Variants in UBN2 observed in about 807,000 individuals in gnomAD.
The protein encoded by UBN2 is ubinuclein-2.
UBN2 carries 35 observed loss-of-function variants against 120.2 expected under a neutral mutation model. The observed-to-expected ratio is 0.29, with a 90% CI of 0.22 to 0.39. The LOEUF is 0.39. Ranked by LOEUF, UBN2 falls within the 10% of genes least tolerant of loss-of-function variation. The probability of loss-of-function intolerance (pLI) is 1.00; values close to 1 mark genes in which losing one functional copy is unlikely to be tolerated. For synonymous variants in UBN2, 661 were observed against 648.7 expected, an observed-to-expected ratio of 1.02 and a Z score of -0.29; for missense variants, 1,693 against 1,663.2, an observed-to-expected ratio of 1.02 and a Z score of -0.31.
intron 17 of UBN2, among the ~76,000 whole-genome samples, chr7:139,294,404 C>G (rs1053184190): frequency 6.6e-6 from 1 of 152,220 alleles, no homozygotes; most frequent in Admixed American, 6.5e-5. Context: ...GAAACTGAAT[C>G]AGAGAGCTAA....
At chr7:139,329,241 C>T in the UBN2 span, among the ~76,000 whole-genome samples, 1 of 148,238 alleles carries the variant, frequency 6.7e-6, no homozygotes, top group Non-Finnish European at 1.5e-5. Flanking sequence ...CTTACAGGGG[C>T]CTTGCCTTAG....
chr7:139,239,832 A>G (rs1347045688), intron 2 of UBN2, among the ~76,000 whole-genome samples: 1 of 152,240 alleles, frequency 6.6e-6, no homozygotes, highest in Non-Finnish European at 1.5e-5. Context: ...TTGGGATTAC[A>G]GGCGTGAGCC....
intron 15 of UBN2, among the ~76,000 whole-genome samples, chr7:139,290,191 C>T (rs1046586369): frequency 6.6e-6 from 1 of 152,158 alleles, no homozygotes; most frequent in Non-Finnish European, 1.5e-5. Flanking sequence ...ACCTTGGCCT[C>T]CCAAAGTGCT....
intron 2 of UBN2, among the ~76,000 whole-genome samples, chr7:139,246,013 AG>A (rs1378026723): frequency 6.6e-6 from 1 of 152,230 alleles, no homozygotes; most frequent in Non-Finnish European, 1.5e-5. Flanking sequence ...CATTTTGAGC[AG>A]GGGAAATAAT....
chr7:139,313,913 A>G, the UBN2 span, among the ~76,000 whole-genome samples: 5 of 151,350 alleles, frequency 3.3e-5, no homozygotes, highest in African/African-American at 4.9e-5. Context: ...CAGTGGCGCA[A>G]TCTCAGCTCA....
chr7:139,281,625 A>G (rs895860575), intron 13 of UBN2, among the ~76,000 whole-genome samples: 1 of 152,228 alleles, frequency 6.6e-6, no homozygotes, highest in Non-Finnish European at 1.5e-5. Flanking sequence ...TTTCTCTGCC[A>G]GTATAAATCT....
rs367648509 is a variant in UBN2 at position 139,261,424 on chromosome 7, T to C, written c.1078T>C (p.Cys360Arg). ...LSTPSLNKPPCAAAALGNDVP... is the reference protein window; with the variant it reads ...LSTPSLNKPPRAAAALGNDVP... ...AACCCCTTCTCTGAATAAACCCCCA[T>C]GTGCTGCTGCAGCACTGGGGAATGA... is the stretch of plus-strand genomic sequence containing the variant. Residue 360 changes from cysteine to arginine, a missense_variant, in exon 6 of 18, where the codon TGT becomes CGT. Transcript: ENST00000473989. The C allele has an allele frequency of 4.1e-5, 66 of 1,614,192 alleles. No individual in the cohort carries two copies. The African/African-American group carries it at 8.0e-4, about 20-fold the overall frequency.
the UBN2 span, among the ~76,000 whole-genome samples, chr7:139,326,136 G>A: frequency 2.6e-5 from 4 of 152,124 alleles, no homozygotes; most frequent in Admixed American, 1.3e-4. Context: ...TGTACCTGTA[G>A]TCCCAGTTAC....
intron 1 of UBN2, among the ~76,000 whole-genome samples, 161 bp downstream of exon 1, chr7:139,232,113 C>A (rs1796038313): frequency 6.6e-6 from 1 of 152,154 alleles, no homozygotes; most frequent in South Asian, 2.1e-4. Flanking sequence ...GGGCGGTGAG[C>A]GCTGCTTTCT....
chr7:139,298,158 G>T lies in UBN2; in HGVS notation c.*322G>T. The T allele has an allele frequency of 3.7e-6, 1 of 267,276 alleles. No individual in the cohort carries two copies. The highest frequency in any genetic ancestry group is 7.9e-5 in the South Asian group (1 of 12,602). 16.6% of individuals were successfully genotyped at this position (267,276 alleles called of 1,614,324 possible). On this transcript the variant is annotated 3_prime_UTR_variant, in exon 18 of 18. Transcript: ENST00000473989. ...TTGATTTTTCCCGGGGGAGGAAGAA[G>T]GAAGTGAAGAGAATTTGGGTAAACT... is the stretch of plus-strand genomic sequence containing the variant.
Position 139,231,320 on chromosome 7 carries a change from G to C in UBN2, c.-165G>C, listed in dbSNP as rs924987907. ...GTGAAGCCCATCAGAACGTAGTAGCGGGGAAGGGGACACGGTCCGCACTCA... is the reference window on the plus strand; with the variant it reads ...GTGAAGCCCATCAGAACGTAGTAGCCGGGAAGGGGACACGGTCCGCACTCA... On this transcript the variant is annotated 5_prime_UTR_variant, in exon 1 of 18. Coordinates refer to ENST00000473989, the MANE Select transcript of UBN2 (RefSeq NM_173569.4). Among the ~76,000 whole-genome samples the C allele has an allele frequency of 1.3e-5, 2 of 152,224 alleles. No homozygotes were observed. Among genetic ancestry groups the C allele is most frequent in the Non-Finnish European group, 2.9e-5 (2 of 68,042 alleles).
chr7:139,256,998 T>C (rs1476563781), intron 3 of UBN2, among the ~76,000 whole-genome samples: 2 of 152,232 alleles, frequency 1.3e-5, no homozygotes, highest in African/African-American at 2.4e-5. Context: ...TCCTTGCCCA[T>C]GGCAATGAAG....
intron 15 of UBN2, among the ~76,000 whole-genome samples, chr7:139,285,347 A>G (rs1344067309): frequency 6.6e-6 from 1 of 152,212 alleles, no homozygotes; most frequent in African/African-American, 2.4e-5. Flanking sequence ...TCTCAAAAAA[A>G]AAGGGTAGCA....
At chr7:139,238,774 C>T (rs1212473943) in intron 2 of UBN2, among the ~76,000 whole-genome samples, 1 of 151,876 alleles carries the variant, frequency 6.6e-6, no homozygotes, top group Non-Finnish European at 1.5e-5. Flanking sequence ...TTTCCGAGAC[C>T]CTATTGTTCT....
Position 139,284,182 on chromosome 7 carries a change from A to G in UBN2, c.3277A>G (p.Ser1093Gly), listed in dbSNP as rs1404071686. 1.9e-6 allele frequency: 3 copies of G among 1,614,084 alleles called. No individual in the cohort carries two copies. The highest frequency in any genetic ancestry group is 2.5e-6 in the Non-Finnish European group (3 of 1,180,042). ...GCCTACTGTATCCCCAAGTAGTTCC[A>G]GTCCAAATGCACTAGTTGCCCAGGG... ...PKPTVSPSSS[S>G]PNALVAQGSH... The change falls in exon 15 of 18, where the codon AGT becomes GGT. Residue 1093 changes from serine (S) to glycine (G), a missense_variant. Coordinates refer to ENST00000473989, the MANE Select transcript of UBN2 (RefSeq NM_173569.4).
Position 139,261,526 on chromosome 7 carries a change from C to A in UBN2, c.1180C>A (p.Gln394Lys). The change falls in exon 6 of 18, where the codon CAG (glutamine) becomes AAG (lysine). Residue 394 changes from glutamine to lysine, a missense_variant. Gln to Lys is a moderately conservative substitution (Grantham distance 53). Transcript: ENST00000473989. ...TAGCACAAATGAACATGAGCTGTTT[C>A]AGGAAGCTGAAAATGCCCTAGAGAT... ...FVSTNEHELF[Q>K]EAENALEMLD... is the part of the protein sequence containing the mutation. 1 of 1,614,190 alleles carries A rather than the reference C, an allele frequency of 6.2e-7. No individual in the cohort carries two copies. Among genetic ancestry groups the A allele is most frequent in the Non-Finnish European group, 8.5e-7 (1 of 1,180,032 alleles).
intron 5 of UBN2, among the ~76,000 whole-genome samples, chr7:139,259,894 G>A (rs1268866457): frequency 6.6e-6 from 1 of 151,866 alleles, no homozygotes; most frequent in Non-Finnish European, 1.5e-5. Flanking sequence ...GATTACAGGT[G>A]TATGTCATCA....
At chr7:139,326,523 C>T in the UBN2 span, among the ~76,000 whole-genome samples, 1 of 152,166 alleles carries the variant, frequency 6.6e-6, no homozygotes, top group African/African-American at 2.4e-5. Flanking sequence ...GCCCACCTCT[C>T]GAACAGAAGC....
At chr7:139,249,901 G>C (rs1010822334) in intron 2 of UBN2, among the ~76,000 whole-genome samples, 1 of 151,852 alleles carries the variant, frequency 6.6e-6, no homozygotes, top group Admixed American at 6.6e-5. Flanking sequence ...AGGTCTCACT[G>C]TGTTGCCCAG....
Sources: allele counts gnomAD v4.1 joint callset (sites outside exome capture counted in the v4.1 genomes callset), GRCh38; gene constraint gnomAD v4.1.1; transcripts MANE v1.5; gene names NCBI Gene and HGNC (gene_info 2026-07-23, HGNC 2026-07-21).